Variants in ARL15 observed in about 807,000 individuals in gnomAD.
ARL15 encodes the protein ARF like GTPase 15.
ARL15 carries 19 observed loss-of-function variants against 25.2 expected under a neutral mutation model. That is an observed-to-expected ratio of 0.75 (90% CI 0.53 to 1.10). The LOEUF (loss-of-function observed/expected upper bound fraction) is 1.10. Among genes scored for constraint, ARL15 ranks in the 50% least tolerant of loss-of-function variants. ARL15 has a pLI of 0.00. For missense variants in ARL15, 220 were observed against 246.0 expected (o/e 0.89, Z 0.71); for synonymous variants, 94 against 86.8 (o/e 1.08, Z -0.46).
chr5:54,298,656 G>A (rs946648560), intron 1 of ARL15, among the ~76,000 whole-genome samples: 4 of 151,654 alleles, frequency 2.6e-5, no homozygotes, highest in Non-Finnish European at 5.9e-5. Flanking sequence ...TCCACTAATC[G>A]GCACCGCAAC....
rs147040538 is a variant in ARL15 at position 54,055,352 on chromosome 5, C to CT, written c.462+57849dup. Among the ~76,000 whole-genome samples the CT allele has an allele frequency of 7.8e-3, 433 of 55,370 alleles. 39 individuals are homozygous for CT. Among genetic ancestry groups the CT allele is most frequent in the Middle Eastern group, 0.016 (1 of 64 alleles). The allele number at this position is 55,370 out of a possible 152,430, so 36.3% of individuals were successfully genotyped here. A position where few individuals can be genotyped will look rare whatever the true frequency, so the allele number is the denominator to read the frequency against. ...ACATGTATTAGTTGCATCATCATTC[C>CT]TTTTTTTTTTTTTTTTTTTTTTTTT... is the stretch of plus-strand genomic sequence containing the variant. On this transcript the variant is annotated intron_variant, in intron 4 of 4. Transcript: ENST00000504924.
At chr5:54,305,958 G>C (rs138760731) in intron 1 of ARL15, among the ~76,000 whole-genome samples, 1 of 152,076 alleles carries the variant, frequency 6.6e-6, no homozygotes, top group African/African-American at 2.4e-5. Flanking sequence ...TTATATTTTA[G>C]TTCACAATAA....
At chr5:53,935,495 C>T (rs1271450490) in intron 4 of ARL15, among the ~76,000 whole-genome samples, 2 of 152,224 alleles carry the variant, frequency 1.3e-5, no homozygotes, top group Non-Finnish European at 2.9e-5. Context: ...ACTTTTACTT[C>T]TCCCTACAGA....
chr5:54,139,989 T>C (rs75800577), intron 3 of ARL15, among the ~76,000 whole-genome samples: 4,395 of 152,304 alleles, frequency 0.029, 207 homozygotes, highest in African/African-American at 0.1. Flanking sequence ...TCTGCTCCAG[T>C]AGAGATAATT....
At chr5:54,035,352 G>A (rs1047184881) in intron 4 of ARL15, among the ~76,000 whole-genome samples, 6 of 151,980 alleles carry the variant, frequency 3.9e-5, no homozygotes, top group African/African-American at 1.5e-4. Context: ...ATGACATGTA[G>A]GCCAAAAGAT....
intron 4 of ARL15, among the ~76,000 whole-genome samples, chr5:53,939,734 A>G (rs1280406947): frequency 2.0e-5 from 3 of 149,656 alleles, no homozygotes; most frequent in Non-Finnish European, 4.5e-5. Context: ...ACTCCGTCTC[A>G]AAAAAAAATA....
rs1745505180 is a variant in ARL15, at chr5:53,912,722, G to A, written c.463-26009C>T. On this transcript the variant is annotated intron_variant, in intron 4 of 4. Coordinates refer to ENST00000504924, the MANE Select transcript of ARL15 (RefSeq NM_019087.3). ...TGAGGTCCACAAGAGACTAAAGATT[G>A]CTAGAGTATTGTGGAACCCTCAGTG... 1.3e-5 allele frequency among the ~76,000 whole-genome samples: 2 copies of A among 152,182 alleles called. 1 individual carries two copies. Among genetic ancestry groups the A allele is most frequent in the South Asian group, 4.1e-4 (2 of 4,832 alleles).
intron 4 of ARL15, among the ~76,000 whole-genome samples, chr5:53,935,742 TGTTTTTTTGTTTGTTTG>T (rs1272198120): frequency 2.0e-5 from 3 of 152,272 alleles, no homozygotes; most frequent in South Asian, 4.1e-4. Flanking sequence ...CTCTGAGGTT[TGTTTTTTTGTTTGTTTG>T]GTTTTTTTGT....
chr5:54,207,006 G>A (rs445953), intron 1 of ARL15, among the ~76,000 whole-genome samples: 87,807 of 152,240 alleles, frequency 0.58, 25,468 homozygotes, highest in Admixed American at 0.61. Flanking sequence ...CAAATGAGAA[G>A]GGGAACCCCA....
chr5:53,912,229 C>G (rs1373069072), intron 4 of ARL15: 1 of 151,950 alleles, frequency 6.6e-6, no homozygotes, highest in Non-Finnish European at 1.5e-5. Context: ...GCTAGGACAC[C>G]GAAGCTTAGA....
intron 4 of ARL15, among the ~76,000 whole-genome samples, chr5:54,094,543 T>C (rs1357970023): frequency 6.6e-6 from 1 of 151,296 alleles, no homozygotes; most frequent in East Asian, 1.9e-4. Flanking sequence ...CCATTTTCTC[T>C]TAAATGCCCT....
intron 1 of ARL15, among the ~76,000 whole-genome samples, chr5:54,298,206 C>T (rs1375662504): frequency 1.3e-5 from 2 of 152,124 alleles, no homozygotes; most frequent in African/African-American, 4.8e-5. Context: ...TATGGATTCA[C>T]CTTAGATTAG....
intron 4 of ARL15, among the ~76,000 whole-genome samples, chr5:53,949,926 G>A (rs1746888389): frequency 6.6e-6 from 1 of 152,112 alleles, no homozygotes; most frequent in Admixed American, 6.6e-5. Flanking sequence ...ATATGAAGAA[G>A]GAAAGTGCCT....
chr5:54,070,922 G>A (rs890698994), intron 4 of ARL15, among the ~76,000 whole-genome samples: 4 of 151,898 alleles, frequency 2.6e-5, no homozygotes, highest in Admixed American at 6.6e-5. Flanking sequence ...TAATCCCAGC[G>A]CTTTGGGAGG....
chr5:54,031,386 T>C (rs184221286), intron 4 of ARL15, among the ~76,000 whole-genome samples: 1 of 152,308 alleles, frequency 6.6e-6, no homozygotes, highest in East Asian at 1.9e-4. Context: ...TTCTATTTCA[T>C]GATGGGAAGA....
intron 1 of ARL15, among the ~76,000 whole-genome samples, chr5:54,185,548 C>T (rs76011301): frequency 2.0e-5 from 3 of 152,136 alleles, no homozygotes; most frequent in African/African-American, 7.2e-5. Flanking sequence ...AGCCACATGG[C>T]CAGATGTGCT....
At chr5:54,178,815 G>A (rs899098650) in intron 1 of ARL15, among the ~76,000 whole-genome samples, 1 of 152,160 alleles carries the variant, frequency 6.6e-6, no homozygotes, top group Non-Finnish European at 1.5e-5. Flanking sequence ...GTAACAGTCA[G>A]TTATGGCTCT....
At chr5:54,282,413 T>TA (rs1305561029) in intron 1 of ARL15, 2 of 985,338 alleles carry the variant, frequency 2.0e-6, no homozygotes, top group East Asian at 1.1e-4. Flanking sequence ...TTTCCCTCTT[T>TA]AAAGAAAATC....
intron 4 of ARL15, among the ~76,000 whole-genome samples, chr5:54,021,663 C>A (rs934577235): frequency 6.6e-6 from 1 of 152,116 alleles, no homozygotes; most frequent in Non-Finnish European, 1.5e-5. Flanking sequence ...CTTTGTGTCA[C>A]TGAAGTTTCA....
Sources: gnomAD v4.1 joint callset for allele counts (sites outside exome capture counted in the v4.1 genomes callset) on GRCh38, gnomAD v4.1.1 for gene constraint, MANE v1.5 for transcripts, NCBI Gene and HGNC (gene_info 2026-07-23, HGNC 2026-07-21) for gene names.